NDUFS4: variants seen among roughly 807,000 people sequenced by gnomAD.
NDUFS4 encodes the protein NADH dehydrogenase [ubiquinone] iron-sulfur protein 4, mitochondrial.
In NDUFS4, 28 loss-of-function variants were observed where a neutral mutation model predicts 24.3. The observed-to-expected ratio is 1.15, with a 90% CI of 0.85 to 1.58. The LOEUF (loss-of-function observed/expected upper bound fraction) is 1.58, where lower values mean the gene tolerates loss of function less well. NDUFS4 is among the 40% of genes most tolerant of loss of function. The pLI, the probability that NDUFS4 is intolerant of heterozygous loss-of-function variation, is 0.00. For synonymous variants in NDUFS4, 93 were observed against 69.7 expected, an observed-to-expected ratio of 1.34 and a Z score of -1.67; for missense variants, 223 against 207.9, an observed-to-expected ratio of 1.07 and a Z score of -0.45.
chr5:53,583,259 A>G (rs571215300), intron 1 of NDUFS4, among the ~76,000 whole-genome samples: 44 of 152,300 alleles, frequency 2.9e-4, no homozygotes, highest in Middle Eastern at 3.4e-3. Context: ...CCAAAAAATG[A>G]TGACTTTTAT....
intron 4 of NDUFS4, among the ~76,000 whole-genome samples, chr5:53,682,671 G>A (rs968170523): frequency 4.6e-5 from 7 of 151,932 alleles, no homozygotes; most frequent in African/African-American, 1.4e-4. Flanking sequence ...ATATATATAC[G>A]TTTACATATT....
intron 4 of NDUFS4, among the ~76,000 whole-genome samples, chr5:53,670,778 T>C (rs1752644400): frequency 6.6e-6 from 1 of 151,488 alleles, no homozygotes; most frequent in African/African-American, 2.4e-5. Flanking sequence ...TAGAATGAAT[T>C]AAGGATATGT....
intron 2 of NDUFS4, among the ~76,000 whole-genome samples, chr5:53,629,742 C>A (rs1007444404): frequency 6.6e-6 from 1 of 151,740 alleles, no homozygotes; most frequent in Non-Finnish European, 1.5e-5. Flanking sequence ...GTAGATCTTT[C>A]TCTATCCCTT....
intron 2 of NDUFS4, among the ~76,000 whole-genome samples, chr5:53,629,499 A>G (rs1398470089): frequency 6.6e-6 from 1 of 151,972 alleles, no homozygotes; most frequent in Non-Finnish European, 1.5e-5. Context: ...TTCCAGTGTT[A>G]TTGTGTGGGA....
At chr5:53,632,151 A>T (rs562671526) in intron 2 of NDUFS4, among the ~76,000 whole-genome samples, 1 of 152,182 alleles carries the variant, frequency 6.6e-6, no homozygotes, top group Admixed American at 6.5e-5. Context: ...AGCAGTTCCT[A>T]TTTGGCCATC....
At chr5:53,569,224 G>A (rs1213513426) in intron 1 of NDUFS4, among the ~76,000 whole-genome samples, 1 of 152,058 alleles carries the variant, frequency 6.6e-6, no homozygotes, top group African/African-American at 2.4e-5. Flanking sequence ...AGTCTAATAA[G>A]ATTAGACTTA....
chr5:53,654,392 A>G (rs1264689917), intron 3 of NDUFS4, among the ~76,000 whole-genome samples: 1 of 152,138 alleles, frequency 6.6e-6, no homozygotes, highest in African/African-American at 2.4e-5. Context: ...GGCCTGATGC[A>G]GGGTGGAGGG....
intron 2 of NDUFS4, among the ~76,000 whole-genome samples, chr5:53,608,213 T>C (rs1004535350): frequency 6.6e-6 from 1 of 152,210 alleles, no homozygotes; most frequent in African/African-American, 2.4e-5. Flanking sequence ...ATAATGTACA[T>C]ACCTTAATTT....
intron 3 of NDUFS4, among the ~76,000 whole-genome samples, chr5:53,648,503 T>A (rs1285364747): frequency 6.6e-6 from 1 of 152,224 alleles, no homozygotes. Flanking sequence ...CCATTAACTC[T>A]AGCTTCAAAG....
At chr5:53,679,564 C>A (rs891449267) in intron 4 of NDUFS4, among the ~76,000 whole-genome samples, 3 of 152,092 alleles carry the variant, frequency 2.0e-5, no homozygotes, top group African/African-American at 7.2e-5. Flanking sequence ...TGACCCTGAC[C>A]ACATTTTGGA....
At chr5:53,638,318 A>C (rs1751614489) in intron 2 of NDUFS4, among the ~76,000 whole-genome samples, 2 of 152,118 alleles carry the variant, frequency 1.3e-5, no homozygotes, top group African/African-American at 4.8e-5. Context: ...AAAGTTCCAA[A>C]ATCAGAGGTT....
chr5:53,625,139 G>A (rs1751176804), intron 2 of NDUFS4, among the ~76,000 whole-genome samples: 1 of 151,958 alleles, frequency 6.6e-6, no homozygotes, highest in South Asian at 2.1e-4. Flanking sequence ...TGTAGAAATG[G>A]GGTTCGCCAT....
At chr5:53,675,943 T>C (rs892598266) in intron 4 of NDUFS4, among the ~76,000 whole-genome samples, 5 of 152,166 alleles carry the variant, frequency 3.3e-5, no homozygotes, top group African/African-American at 4.8e-5. Flanking sequence ...ATGATGAAGT[T>C]TGCCTGCCTT....
At position 53,560,719 on chromosome 5, in the gene NDUFS4, AGTGGCT is replaced by A. The variant is rs764481576; in HGVS notation, c.60_65del (p.Val22_Ala23del). 2 of 1,614,246 alleles carry A rather than the reference AGTGGCT, an allele frequency of 1.2e-6. No individual in the cohort carries two copies. Among genetic ancestry groups the A allele is most frequent in the Non-Finnish European group, 1.7e-6 (2 of 1,180,036 alleles). ...GGCAGACGTTGTGGCGGAGAAGGGC[AGTGGCT>A]GTAGCTGCCCTTTCCGTTTCCAGGG... On this transcript the variant is annotated inframe_deletion, in exon 1 of 5. Coordinates refer to ENST00000296684, the MANE Select transcript of NDUFS4 (RefSeq NM_002495.4).
At chr5:53,619,486 CAAA>C (rs70983366) in intron 2 of NDUFS4, among the ~76,000 whole-genome samples, 4 of 49,106 alleles carry the variant, frequency 8.1e-5, no homozygotes, top group African/African-American at 3.4e-4. Flanking sequence ...GACTCTGTCT[CAAA>C]AAAAAAAAAA....
At position 53,683,291 on chromosome 5, in the gene NDUFS4, A is replaced by G; in HGVS notation, c.*70A>G. On this transcript the variant is annotated 3_prime_UTR_variant, in exon 5 of 5. Transcript: ENST00000296684. ...TGTGCAGTATTTATAGTCCATGTAT[A>G]ATAAATACATCTCTTAATCTCCTAA... 1 of 1,045,580 alleles carries G rather than the reference A, an allele frequency of 9.6e-7. No individual in the cohort carries two copies. Among genetic ancestry groups the G allele is most frequent in the East Asian group, 2.4e-5 (1 of 42,060 alleles). 64.8% of individuals were successfully genotyped at this position (1,045,580 alleles called of 1,614,324 possible). A position where few individuals can be genotyped will look rare whatever the true frequency, so the allele number is the denominator to read the frequency against.
At chr5:53,644,826 G>T (rs185199808) in intron 2 of NDUFS4, among the ~76,000 whole-genome samples, 1 of 152,036 alleles carries the variant, frequency 6.6e-6, no homozygotes, top group Non-Finnish European at 1.5e-5. Flanking sequence ...AATTATTGAC[G>T]CAGGTGGAAA....
chr5:53,675,345 G>A (rs1350829189), intron 4 of NDUFS4, among the ~76,000 whole-genome samples: 3 of 151,634 alleles, frequency 2.0e-5, no homozygotes, highest in African/African-American at 7.3e-5. Context: ...TGTATTTTTA[G>A]TAGAGACGGG....
intron 1 of NDUFS4, among the ~76,000 whole-genome samples, chr5:53,595,678 C>T (rs1750113258): frequency 1.3e-5 from 2 of 152,208 alleles, no homozygotes; most frequent in African/African-American, 4.8e-5. Flanking sequence ...CATTCTCCTA[C>T]TTATTACTCT....
Sources: allele counts gnomAD v4.1 joint callset (sites outside exome capture counted in the v4.1 genomes callset), GRCh38; gene constraint gnomAD v4.1.1; transcripts MANE v1.5; gene names NCBI Gene and HGNC (gene_info 2026-07-23, HGNC 2026-07-21).